Variants in SUGCT observed in about 807,000 individuals in gnomAD.
SUGCT encodes the protein succinyl-CoA:glutarate CoA-transferase.
SUGCT carries 41 observed loss-of-function variants against 55.0 expected under a neutral mutation model. The observed-to-expected ratio is 0.74, with a 90% CI of 0.58 to 0.97. SUGCT has a LOEUF of 0.97. Among genes scored for constraint, SUGCT ranks in the 50% least tolerant of loss-of-function variants. The probability of loss-of-function intolerance (pLI) is 0.00; values close to 1 mark genes in which losing one functional copy is unlikely to be tolerated. For synonymous variants in SUGCT, 187 were observed against 200.4 expected, an observed-to-expected ratio of 0.93 and a Z score of 0.56; for missense variants, 568 against 547.8, an observed-to-expected ratio of 1.04 and a Z score of -0.37.
At chr7:40,270,096 A>G (rs1324204338) in intron 7 of SUGCT, among the ~76,000 whole-genome samples, 1 of 148,492 alleles carries the variant, frequency 6.7e-6, no homozygotes. Flanking sequence ...AGATTACACC[A>G]TTGGATTTCA....
At chr7:40,551,031 CA>C (rs1369915588) in intron 12 of SUGCT, among the ~76,000 whole-genome samples, 1 of 152,184 alleles carries the variant, frequency 6.6e-6, no homozygotes, top group Non-Finnish European at 1.5e-5. Context: ...CCTCAGGCAG[CA>C]GTGTGCCATG....
chr7:40,371,325 T>C (rs77410344), intron 9 of SUGCT, among the ~76,000 whole-genome samples: 15,283 of 152,138 alleles, frequency 0.1, 1,146 homozygotes, highest in East Asian at 0.44. Flanking sequence ...TGTGTTTTGT[T>C]TGTTTGTTTG....
chr7:40,695,381 A>G (rs1784880881), intron 12 of SUGCT, among the ~76,000 whole-genome samples: 1 of 151,614 alleles, frequency 6.6e-6, no homozygotes. Context: ...TATTTTTTGT[A>G]GAGATGAGGT....
intron 13 of SUGCT, among the ~76,000 whole-genome samples, chr7:40,769,394 A>G (rs1400296113): frequency 1.3e-5 from 2 of 152,210 alleles, no homozygotes; most frequent in Non-Finnish European, 2.9e-5. Flanking sequence ...ATCATATATG[A>G]CAAAAGGAAC....
At chr7:40,307,070 A>G (rs6967242) in intron 8 of SUGCT, among the ~76,000 whole-genome samples, 82,579 of 152,052 alleles carry the variant, frequency 0.54, 24,377 homozygotes, top group Non-Finnish European at 0.67. Context: ...TGTTCCTTTC[A>G]TTAAGTTAAA....
chr7:40,664,897 G>A (rs566826176), intron 12 of SUGCT, among the ~76,000 whole-genome samples: 14 of 148,232 alleles, frequency 9.4e-5, no homozygotes, highest in African/African-American at 3.0e-4. Context: ...GGAGAATGGC[G>A]TGAACCCGGG....
chr7:40,990,008 A>G, the SUGCT span, among the ~76,000 whole-genome samples: 15 of 152,336 alleles, frequency 9.8e-5, no homozygotes, highest in East Asian at 2.7e-3. Flanking sequence ...ACTTTATCCC[A>G]TGAATTACAA....
At position 40,847,166 on chromosome 7, in the gene SUGCT, C is replaced by T. The variant is rs146118500; in HGVS notation, c.1154-13150C>T. On this transcript the variant is annotated intron_variant, in intron 13 of 13. Transcript: ENST00000335693. The stretch of plus-strand genomic sequence containing the variant: ...GTGGGTCTCTACACTGAAACTGAGG[C>T]ATGTGTCAATCTTAATAGGCTAGTT... 2.9e-3 allele frequency among the ~76,000 whole-genome samples: 441 copies of T among 152,280 alleles called. 3 individuals are homozygous for T. Among genetic ancestry groups the T allele is most frequent in the African/African-American group, 0.01 (428 of 41,564 alleles).
intron 9 of SUGCT, among the ~76,000 whole-genome samples, chr7:40,325,721 G>A (rs1418393405): frequency 1.1e-4 from 16 of 152,180 alleles, no homozygotes; most frequent in South Asian, 2.1e-4. Flanking sequence ...CAGGAGAATC[G>A]CTTGAAACCA....
chr7:40,148,832 A>T (rs1788400404), intron 1 of SUGCT, among the ~76,000 whole-genome samples: 1 of 152,206 alleles, frequency 6.6e-6, no homozygotes, highest in Non-Finnish European at 1.5e-5. Flanking sequence ...AGGGAGAATG[A>T]ATGGATGCGG....
intron 12 of SUGCT, among the ~76,000 whole-genome samples, chr7:40,670,169 CAAAAAAAAAAAAAA>C (rs34786531): frequency 3.4e-5 from 2 of 58,240 alleles, no homozygotes; most frequent in East Asian, 5.6e-4. Flanking sequence ...GACTCCATCT[CAAAAAAAAAAAAAA>C]AAAAAAAAAA....
At chr7:40,818,748 C>A (rs772577870) in intron 13 of SUGCT, among the ~76,000 whole-genome samples, 1 of 151,932 alleles carries the variant, frequency 6.6e-6, no homozygotes, top group Non-Finnish European at 1.5e-5. Flanking sequence ...AAATTTGTTT[C>A]CAAGGTAACA....
At chr7:40,536,963 C>T (rs551966709) in intron 12 of SUGCT, among the ~76,000 whole-genome samples, 8 of 152,068 alleles carry the variant, frequency 5.3e-5, no homozygotes, top group South Asian at 4.2e-4. Context: ...TAATGAACAC[C>T]GAAATATTAG....
intron 8 of SUGCT, among the ~76,000 whole-genome samples, chr7:40,308,699 T>C (rs1238155384): frequency 1.3e-5 from 2 of 152,200 alleles, no homozygotes; most frequent in Non-Finnish European, 2.9e-5. Flanking sequence ...TCTAACTGGT[T>C]GATCTCACTG....
chr7:40,876,526 G>T, the SUGCT span, among the ~76,000 whole-genome samples: 6 of 152,178 alleles, frequency 3.9e-5, no homozygotes, highest in African/African-American at 1.4e-4. Context: ...TAAAGGAAAG[G>T]GGATCCCATG....
intron 12 of SUGCT, among the ~76,000 whole-genome samples, chr7:40,632,630 A>G (rs756193444): frequency 8.6e-5 from 13 of 151,438 alleles, no homozygotes; most frequent in Non-Finnish European, 1.9e-4. Flanking sequence ...AATGTTATGT[A>G]TCTGTTTCCA....
intron 13 of SUGCT, among the ~76,000 whole-genome samples, chr7:40,767,796 AG>A (rs1246931048): frequency 1.3e-5 from 2 of 152,192 alleles, no homozygotes; most frequent in Non-Finnish European, 2.9e-5. Context: ...CTCAGCCACA[AG>A]GCCAGTATTC....
the SUGCT span, among the ~76,000 whole-genome samples, chr7:40,919,169 C>G: frequency 6.6e-6 from 1 of 152,228 alleles, no homozygotes; most frequent in African/African-American, 2.4e-5. Context: ...ATAACTCACA[C>G]ATTTATTTCT....
At chr7:40,496,978 G>A (rs916149114) in intron 12 of SUGCT, among the ~76,000 whole-genome samples, 4 of 151,948 alleles carry the variant, frequency 2.6e-5, no homozygotes, top group African/African-American at 2.4e-5. Flanking sequence ...CCAGGAACAG[G>A]GTCACCTGAA....
Sources: allele counts gnomAD v4.1 joint callset (sites outside exome capture counted in the v4.1 genomes callset), GRCh38; gene constraint gnomAD v4.1.1; transcripts MANE v1.5; gene names NCBI Gene and HGNC (gene_info 2026-07-23, HGNC 2026-07-21).